PLCB1: variants seen among roughly 807,000 people sequenced by gnomAD.
PLCB1 encodes phospholipase C beta 1.
A neutral mutation model predicts 161.8 loss-of-function variants in PLCB1; 46 were observed. The observed-to-expected ratio is 0.28, with a 90% CI of 0.22 to 0.36. The LOEUF (loss-of-function observed/expected upper bound fraction) is 0.36. Among genes scored for constraint, PLCB1 ranks in the 10% least tolerant of loss-of-function variants. PLCB1 has a pLI of 1.00. For synonymous variants in PLCB1, 517 were observed against 503.7 expected (o/e 1.03, Z -0.35); for missense variants, 1,016 against 1,472.5 (o/e 0.69, Z 5.07).
At chr20:8,676,402 A>AAAGAAAGAAAGAG (rs962908124) in intron 9 of PLCB1, among the ~76,000 whole-genome samples, 1 of 151,602 alleles carries the variant, frequency 6.6e-6, no homozygotes, top group Admixed American at 6.6e-5. Context: ...ACAAAGAAAG[A>AAAGAAAGAAAGAG]AAGAAAGAAA....
chr20:8,685,652 A>G (rs142315011), intron 10 of PLCB1, among the ~76,000 whole-genome samples: 9,152 of 151,478 alleles, frequency 0.06, 533 homozygotes, highest in African/African-American at 0.15. Flanking sequence ...CAGGAGAATC[A>G]CCTGAACCCA....
chr20:8,774,208 G>T (rs1982829633), intron 26 of PLCB1, among the ~76,000 whole-genome samples: 1 of 152,086 alleles, frequency 6.6e-6, no homozygotes, highest in Non-Finnish European at 1.5e-5. Context: ...TAACAAAAAA[G>T]ATTAAAACCT....
intron 31 of PLCB1, among the ~76,000 whole-genome samples, chr20:8,848,017 A>G (rs1435489647): frequency 6.6e-6 from 1 of 152,222 alleles, no homozygotes; most frequent in African/African-American, 2.4e-5. Flanking sequence ...ATGTCCTCAC[A>G]TGATGGAAGA....
At chr20:8,232,651 T>C (rs1207099440) in intron 2 of PLCB1, among the ~76,000 whole-genome samples, 2 of 152,192 alleles carry the variant, frequency 1.3e-5, no homozygotes, top group African/African-American at 4.8e-5. Flanking sequence ...TCGTGCATTC[T>C]GAAAGTCTGG....
At chr20:8,398,972 T>C (rs1288937248) in intron 3 of PLCB1, among the ~76,000 whole-genome samples, 3 of 152,016 alleles carry the variant, frequency 2.0e-5, no homozygotes, top group Non-Finnish European at 4.4e-5. Context: ...TTTGTTTTTA[T>C]TTTTATCTAG....
chr20:8,510,557 T>G (rs1983842670), intron 3 of PLCB1, among the ~76,000 whole-genome samples: 1 of 151,986 alleles, frequency 6.6e-6, no homozygotes, highest in Non-Finnish European at 1.5e-5. Context: ...AGCTAATTTT[T>G]TTTTTGTATT....
At chr20:8,639,026 C>A (rs1988858244) in intron 4 of PLCB1, among the ~76,000 whole-genome samples, 1 of 151,774 alleles carries the variant, frequency 6.6e-6, no homozygotes, top group Non-Finnish European at 1.5e-5. Context: ...GTTGTGGGTG[C>A]CACTGCCTGG....
intron 1 of PLCB1, among the ~76,000 whole-genome samples, chr20:8,133,700 G>A (rs1441249827): frequency 2.0e-5 from 3 of 152,104 alleles, no homozygotes. Context: ...TTTATGTCCT[G>A]GGTGTCATTC....
rs563179828 is a variant in PLCB1 at position 8,515,253 on chromosome 20, C to T, written c.247-113041C>T. Among the ~76,000 whole-genome samples the T allele has an allele frequency of 7.9e-5, 12 of 152,310 alleles. No homozygotes were observed. The South Asian group carries it at 2.3e-3, about 29-fold the overall frequency. On this transcript the variant is annotated intron_variant, in intron 3 of 31. Transcript: ENST00000338037. ...TAGCCCTTCAATTATAGAGCTGTTT[C>T]AGTAATAGCATCTGCTTCATTATAA...
chr20:8,258,781 T>C (rs1027521475), intron 2 of PLCB1, among the ~76,000 whole-genome samples: 56 of 152,176 alleles, frequency 3.7e-4, no homozygotes, highest in African/African-American at 1.4e-3. Context: ...TGTTAAGCCA[T>C]GTGGGTTTTT....
At chr20:8,301,650 C>T (rs1195548224) in intron 2 of PLCB1, among the ~76,000 whole-genome samples, 1 of 152,164 alleles carries the variant, frequency 6.6e-6, no homozygotes, top group African/African-American at 2.4e-5. Flanking sequence ...GCTGTTTCTA[C>T]CGTCTGGAAT....
chr20:8,571,148 GAA>G (rs1986498057), intron 3 of PLCB1, among the ~76,000 whole-genome samples: 1 of 152,102 alleles, frequency 6.6e-6, no homozygotes, highest in Non-Finnish European at 1.5e-5. Context: ...GTTTTTAGTA[GAA>G]AAAGGGAAAT....
chr20:8,296,458 C>G (rs764366191), intron 2 of PLCB1, among the ~76,000 whole-genome samples: 1 of 152,126 alleles, frequency 6.6e-6, no homozygotes, highest in Non-Finnish European at 1.5e-5. Context: ...CCCGAGAGCT[C>G]TCTACATTTT....
At chr20:8,145,165 C>T (rs188799592) in intron 1 of PLCB1, among the ~76,000 whole-genome samples, 7 of 152,262 alleles carry the variant, frequency 4.6e-5, no homozygotes, top group Non-Finnish European at 7.4e-5. Context: ...GGGTTGCTTC[C>T]TGCTGAGGGC....
At chr20:8,719,264 G>C (rs987987271) in intron 14 of PLCB1, among the ~76,000 whole-genome samples, 3 of 152,178 alleles carry the variant, frequency 2.0e-5, no homozygotes, top group African/African-American at 7.2e-5. Flanking sequence ...GTCTACAAAA[G>C]CTGAATATAT....
chr20:8,641,279 C>G (rs1408627457), intron 4 of PLCB1, among the ~76,000 whole-genome samples: 1 of 152,102 alleles, frequency 6.6e-6, no homozygotes, highest in Non-Finnish European at 1.5e-5. Context: ...ATTACAAGCC[C>G]TCTAGCCAAG....
At chr20:8,416,320 T>C (rs1157507927) in intron 3 of PLCB1, among the ~76,000 whole-genome samples, 2 of 150,242 alleles carry the variant, frequency 1.3e-5, no homozygotes, top group Non-Finnish European at 3.0e-5. Flanking sequence ...GCACAGTGAG[T>C]TCTGGATGGA....
chr20:8,763,808 T>A lies in PLCB1; in HGVS notation c.2711-1331T>A, dbSNP rs190069658. Among the ~76,000 whole-genome samples, 340 of 151,652 alleles carry A rather than the reference T, an allele frequency of 2.2e-3. 2 individuals are homozygous for A. Among genetic ancestry groups the A allele is most frequent in the Admixed American group, 3.6e-3 (55 of 15,246 alleles). On this transcript the variant is annotated intron_variant, in intron 25 of 31. Coordinates refer to ENST00000338037, the MANE Select transcript of PLCB1 (RefSeq NM_015192.4). Reference sequence around the variant, plus strand: ...TGCTGGGATTACAGGCATGAGCCAATGCACTTGGCCCAGAATGTTTTAAGG... The same window carrying A: ...TGCTGGGATTACAGGCATGAGCCAAAGCACTTGGCCCAGAATGTTTTAAGG...
chr20:8,679,642 A>T (rs1457619981), intron 9 of PLCB1, among the ~76,000 whole-genome samples: 1 of 152,210 alleles, frequency 6.6e-6, no homozygotes, highest in African/African-American at 2.4e-5. Flanking sequence ...TGTTTTTTCC[A>T]TTCCTTGAGG....
Sources: gnomAD v4.1 joint callset for allele counts (sites outside exome capture counted in the v4.1 genomes callset) on GRCh38, gnomAD v4.1.1 for gene constraint, MANE v1.5 for transcripts, NCBI Gene and HGNC (gene_info 2026-07-23, HGNC 2026-07-21) for gene names.